The following POF1B variants were observed in gnomAD, a reference collection of about 807,000 sequenced individuals.
POF1B encodes the protein protein POF1B.
Under a neutral mutation model 55.3 loss-of-function variants are expected in POF1B, and 53 were observed. The ratio of observed to expected loss-of-function variants is 0.96; its 90% CI spans 0.77 to 1.20. The LOEUF is 1.20. POF1B is among the 50% of genes most tolerant of loss of function. The pLI is 0.00. For synonymous variants in POF1B, 188 were observed against 148.3 expected, an observed-to-expected ratio of 1.27 and a Z score of -1.95; for missense variants, 478 against 420.5, an observed-to-expected ratio of 1.14 and a Z score of -1.20.
Position 85,310,412 on chromosome X carries a change from A to G in POF1B, c.958-2196T>C, listed in dbSNP as rs181449267. 9.8e-5 allele frequency among the ~76,000 whole-genome samples: 11 copies of G among 112,383 alleles called. No individual in the cohort carries two copies. In the East Asian group the frequency reaches 2.8e-3, roughly 29 times the overall value. On this transcript the variant is annotated intron_variant, in intron 9 of 16. Transcript: ENST00000262753. ...TGGAAATTTTAGAACTGAAAAGGAC[A>G]GTAACAAGACAAAGAAACAAAAACC...
At chrX:85,314,551 C>G in intron 8 of POF1B, 45 bp from the exon 9 acceptor site, 1 of 975,732 alleles carries the variant, frequency 1.0e-6, no homozygotes, top group African/African-American at 2.0e-5. Flanking sequence ...ACATATCAAT[C>G]TTAAGATCAG....
At chrX:85,283,522 CAT>C (rs1288718708) in intron 15 of POF1B, among the ~76,000 whole-genome samples, 1 of 110,147 alleles carries the variant, frequency 9.1e-6, no homozygotes, top group African/African-American at 3.3e-5. Flanking sequence ...TAAAATAAAA[CAT>C]AAAAGAAAAC....
intron 7 of POF1B, among the ~76,000 whole-genome samples, chrX:85,326,309 C>G (rs1393637044): frequency 1.8e-5 from 2 of 111,531 alleles, no homozygotes; most frequent in East Asian, 2.9e-4. Context: ...CCGCCAGTGT[C>G]CCTGCATGCG....
intron 9 of POF1B, among the ~76,000 whole-genome samples, chrX:85,312,753 A>C (rs1932736731): frequency 9.0e-6 from 1 of 111,475 alleles, no homozygotes; most frequent in Non-Finnish European, 1.9e-5. Flanking sequence ...TGAATCTATA[A>C]ATTATTTTCA....
chrX:85,335,997 C>T (rs1378068783), intron 6 of POF1B, among the ~76,000 whole-genome samples: 1 of 109,984 alleles, frequency 9.1e-6, no homozygotes, highest in Non-Finnish European at 1.9e-5. Flanking sequence ...TACTCTCTCA[C>T]CCCCGCCCCA....
At chrX:85,329,533 A>G (rs1222508336) in intron 7 of POF1B, among the ~76,000 whole-genome samples, 1 of 110,797 alleles carries the variant, frequency 9.0e-6, no homozygotes, top group Non-Finnish European at 1.9e-5. Context: ...ACCAGCCACC[A>G]CACTATGCAC....
chrX:85,279,641 A>G (rs1931854699), intron 16 of POF1B, among the ~76,000 whole-genome samples: 1 of 111,031 alleles, frequency 9.0e-6, no homozygotes, highest in Non-Finnish European at 1.9e-5. Context: ...GACTTTAAGC[A>G]AGAGTGAAGG....
At chrX:85,280,974 T>A (rs1931883339) in intron 16 of POF1B, among the ~76,000 whole-genome samples, 1 of 110,705 alleles carries the variant, frequency 9.0e-6, no homozygotes, top group African/African-American at 3.3e-5. Flanking sequence ...AACCACTAGA[T>A]GCCAATAACA....
chrX:85,370,138 C>T (rs1219287264), intron 2 of POF1B, among the ~76,000 whole-genome samples: 1 of 112,176 alleles, frequency 8.9e-6, no homozygotes, highest in African/African-American at 3.2e-5. Flanking sequence ...AATACACACA[C>T]ATCACACATC....
intron 3 of POF1B, among the ~76,000 whole-genome samples, chrX:85,365,867 C>T (rs1355335405): frequency 1.8e-5 from 2 of 111,187 alleles, no homozygotes; most frequent in Non-Finnish European, 1.9e-5. Flanking sequence ...GGTCAGCAGT[C>T]ACTCAGTGCT....
chrX:85,343,207 A>G (rs968556863), intron 6 of POF1B, among the ~76,000 whole-genome samples: 20 of 110,489 alleles, frequency 1.8e-4, no homozygotes, highest in Non-Finnish European at 3.0e-4. Flanking sequence ...GAGATTATCT[A>G]AAATGGAAAA....
rs770167168 is a variant in POF1B at position 85,303,388 on chromosome X, C to T, written c.1649+18G>A. On this transcript the variant is annotated intron_variant, in intron 15 of 16. Coordinates refer to ENST00000262753, the MANE Select transcript of POF1B (RefSeq NM_024921.4). ...GATCATAATTTTTATATTCAAATTT[C>T]ATTTAAAAATACATTACTTTTTAGT... 1 of 1,026,669 alleles carries T rather than the reference C, an allele frequency of 9.7e-7. No individual in the cohort carries two copies. Among genetic ancestry groups the T allele is most frequent in the South Asian group, 2.1e-5 (1 of 46,884 alleles). 84.6% of individuals were successfully genotyped at this position (1,026,669 alleles called of 1,213,427 possible).
chrX:85,349,377 A>T (rs1175209321), intron 5 of POF1B, among the ~76,000 whole-genome samples: 1 of 111,230 alleles, frequency 9.0e-6, no homozygotes, highest in Non-Finnish European at 1.9e-5. Flanking sequence ...TTGTCATCGC[A>T]ACTGATTTGA....
intron 7 of POF1B, among the ~76,000 whole-genome samples, chrX:85,324,168 C>G (rs1250264748): frequency 1.8e-5 from 2 of 111,831 alleles, no homozygotes; most frequent in Non-Finnish European, 3.8e-5. Context: ...GTGCCATGTG[C>G]AGATGAGAAG....
chrX:85,369,836 T>C (rs1477756996), intron 2 of POF1B, among the ~76,000 whole-genome samples: 2 of 111,849 alleles, frequency 1.8e-5, no homozygotes, highest in South Asian at 3.7e-4. Context: ...ACTATGATAA[T>C]TATACATCCA....
Position 85,314,295 on chromosome X carries a change from C to G in POF1B, c.957+137G>C, listed in dbSNP as rs745512883. 165 of 454,068 alleles carry G rather than the reference C, an allele frequency of 3.6e-4. No homozygotes were observed. In the African/African-American group the frequency reaches 3.9e-3, roughly 11 times the overall value. 37.4% of individuals were successfully genotyped at this position (454,068 alleles called of 1,213,427 possible). ...GATCTCACCAAACTGAAATATATCC[C>G]TTGTCTAACCAAAGAATCCTCAACT... On this transcript the variant is annotated intron_variant, in intron 9 of 16. Transcript: ENST00000262753.
intron 4 of POF1B, among the ~76,000 whole-genome samples, chrX:85,354,093 C>T (rs1933439148): frequency 9.0e-6 from 1 of 110,599 alleles, no homozygotes; most frequent in African/African-American, 3.3e-5. Flanking sequence ...AGCAGGTAGG[C>T]CATTAACCTT....
intron 7 of POF1B, among the ~76,000 whole-genome samples, chrX:85,317,733 G>A: frequency 9.0e-6 from 1 of 111,488 alleles, no homozygotes. Context: ...ATACCCAAAA[G>A]AATATAAATA....
intron 7 of POF1B, among the ~76,000 whole-genome samples, chrX:85,322,686 A>G (rs1465471295): frequency 1.8e-5 from 2 of 111,588 alleles, no homozygotes; most frequent in Non-Finnish European, 3.8e-5. Flanking sequence ...AATTTTTGCA[A>G]TCTACTCATC....
Sources: allele counts gnomAD v4.1 joint callset (sites outside exome capture counted in the v4.1 genomes callset), GRCh38; gene constraint gnomAD v4.1.1; transcripts MANE v1.5; gene names NCBI Gene and HGNC (gene_info 2026-07-23, HGNC 2026-07-21).